COL15A1: variants seen among roughly 807,000 people sequenced by gnomAD.
COL15A1 encodes collagen alpha-1(XV) chain.
COL15A1 carries 111 observed loss-of-function variants against 165.9 expected under a neutral mutation model. The ratio of observed to expected loss-of-function variants is 0.67; its 90% CI spans 0.57 to 0.78. The LOEUF (loss-of-function observed/expected upper bound fraction) is 0.78, where lower values mean the gene tolerates loss of function less well. Ranked by LOEUF, COL15A1 falls within the 30% of genes least tolerant of loss-of-function variation. COL15A1 has a pLI of 0.00. For missense variants in COL15A1, 1,745 were observed against 1,789.7 expected, an observed-to-expected ratio of 0.98 and a Z score of 0.45; for synonymous variants, 659 against 674.8, an observed-to-expected ratio of 0.98 and a Z score of 0.36.
chr9:98,997,063 C>G lies in COL15A1; in HGVS notation c.934C>G (p.His312Asp), dbSNP rs1353562835. 1 of 1,614,206 alleles carries G rather than the reference C, an allele frequency of 6.2e-7. No individual in the cohort carries two copies. The highest frequency in any genetic ancestry group is 2.2e-5 in the East Asian group (1 of 44,880). ...AACCACCAACATGAGCATCATCCAG[C>G]ACAGCAGCCCCAAACAAGGCAAGTC... ...LETTNMSIIQ[H>D]SSPKQGSGEI... The change falls in exon 6 of 42, where the codon CAC (histidine) becomes GAC (aspartate). Residue 312 changes from histidine (H) to aspartate (D), a missense_variant. Transcript: ENST00000375001.
At chr9:99,032,148 C>T (rs1329345724) in intron 16 of COL15A1, among the ~76,000 whole-genome samples, 1 of 151,486 alleles carries the variant, frequency 6.6e-6, no homozygotes, top group Non-Finnish European at 1.5e-5. Context: ...TTAAAAATTC[C>T]TCTGCATTGT....
chr9:98,963,294 A>C (rs191327412), intron 2 of COL15A1, among the ~76,000 whole-genome samples: 2 of 151,904 alleles, frequency 1.3e-5, no homozygotes, highest in African/African-American at 2.4e-5. Context: ...CAAACACCTT[A>C]CTCCCATCAG....
chr9:98,970,580 C>G (rs1470223010), intron 2 of COL15A1, among the ~76,000 whole-genome samples: 13 of 152,308 alleles, frequency 8.5e-5, no homozygotes, highest in Admixed American at 2.6e-4. Flanking sequence ...TGTGGAAGGG[C>G]TTTCAATGAT....
intron 26 of COL15A1, among the ~76,000 whole-genome samples, chr9:99,047,420 C>T (rs1344533463): frequency 6.6e-6 from 1 of 152,196 alleles, no homozygotes; most frequent in East Asian, 1.9e-4. Flanking sequence ...GGACATAAGA[C>T]CTAGGGCAGA....
intron 2 of COL15A1, among the ~76,000 whole-genome samples, chr9:98,974,813 C>T (rs904653765): frequency 2.0e-5 from 3 of 152,200 alleles, no homozygotes; most frequent in Non-Finnish European, 2.9e-5. Flanking sequence ...TGAAGTGTGC[C>T]GTCGGTCTTT....
chr9:99,025,095 G>T (rs187544383), intron 15 of COL15A1, 96 bp downstream of exon 15: 15 of 1,012,322 alleles, frequency 1.5e-5, no homozygotes, highest in Admixed American at 7.4e-5. Flanking sequence ...ACTGTCCAAG[G>T]TTCGCGATGG....
At chr9:98,952,568 C>CT (rs1300799190) in intron 2 of COL15A1, among the ~76,000 whole-genome samples, 6 of 151,880 alleles carry the variant, frequency 4.0e-5, no homozygotes, top group Non-Finnish European at 7.4e-5. Flanking sequence ...TATAATCTCT[C>CT]TTTTTTTTAA....
At chr9:98,963,196 T>G (rs1462727384) in intron 2 of COL15A1, among the ~76,000 whole-genome samples, 3 of 152,208 alleles carry the variant, frequency 2.0e-5, no homozygotes, top group African/African-American at 7.2e-5. Flanking sequence ...GTAGGCTCCT[T>G]GTGTGAGAAG....
At chr9:99,003,772 A>G (rs1045219080) in intron 8 of COL15A1, among the ~76,000 whole-genome samples, 185 bp downstream of exon 8, 3 of 152,220 alleles carry the variant, frequency 2.0e-5, no homozygotes, top group East Asian at 1.9e-4. Flanking sequence ...AGAGCCCTAC[A>G]CTGTGCTGGG....
At position 98,997,032 on chromosome 9, in the gene COL15A1, C is replaced by T. The variant is rs547723842; in HGVS notation, c.903C>T (p.Thr301=). ...CTGGTGAACCTGTACCCGAGGGGAC[C>T]CTGGAAACCACCAACATGAGCATCA... is the stretch of plus-strand genomic sequence containing the variant. The part of the protein sequence containing the change: ...ELSGEPVPEG[T]LETTNMSIIQ... Residue 301 remains threonine (T), a synonymous_variant, in exon 6 of 42, where the codon ACC becomes ACT. Transcript: ENST00000375001. 2.7e-5 allele frequency: 44 copies of T among 1,614,176 alleles called. No individual in the cohort carries two copies. The South Asian group carries it at 3.4e-4, about 12-fold the overall frequency.
intron 28 of COL15A1, among the ~76,000 whole-genome samples, chr9:99,048,410 T>C (rs1839529683): frequency 6.6e-6 from 1 of 152,068 alleles, no homozygotes; most frequent in African/African-American, 2.4e-5. Flanking sequence ...GCTACTTAGG[T>C]GGGGCCTCCC....
chr9:98,988,320 C>T (rs1280861333), intron 4 of COL15A1, among the ~76,000 whole-genome samples: 2 of 152,130 alleles, frequency 1.3e-5, no homozygotes, highest in Admixed American at 6.6e-5. Context: ...AGTGTAGTCA[C>T]GCGTTAGTCT....
intron 12 of COL15A1, among the ~76,000 whole-genome samples, chr9:99,020,871 G>A (rs959979493): frequency 6.6e-6 from 1 of 152,180 alleles, no homozygotes; most frequent in Admixed American, 6.5e-5. Context: ...TTGTAGCTGT[G>A]GGATCTCCCG....
chr9:99,004,901 C>A lies in COL15A1; in HGVS notation c.1204C>A (p.Pro402Thr), dbSNP rs761174334. The change falls in exon 9 of 42, where the codon CCA (proline) becomes ACA (threonine). Residue 402 changes from proline (P) to threonine (T), a missense_variant. Physicochemically the swap from Pro to Thr is conservative, Grantham distance 38. Transcript: ENST00000375001. ...TTCCTGTTGACTTTCTATTCAGGGT[C>A]CAGATAATGAAGAGCGTTTAGCAGC... ...ENPEEGVTPG[P>T]DNEERLAATA... The A allele has an allele frequency of 4.7e-5, 76 of 1,613,852 alleles. No homozygotes were observed. The highest frequency in any genetic ancestry group is 6.4e-5 in the Non-Finnish European group (76 of 1,179,946).
intron 2 of COL15A1, among the ~76,000 whole-genome samples, chr9:98,955,924 G>T (rs373248790): frequency 4.2e-4 from 64 of 152,378 alleles, no homozygotes; most frequent in African/African-American, 1.4e-3. Flanking sequence ...CATGGTCACA[G>T]TTCAAGTTGG....
intron 35 of COL15A1, 140 bp from the exon 36 acceptor site, chr9:99,059,749 C>A: frequency 1.2e-6 from 1 of 858,626 alleles, no homozygotes; most frequent in Non-Finnish European, 1.8e-6. Flanking sequence ...GGCACAGCAC[C>A]CAAGATACAG....
At chr9:99,067,156 G>A (rs955884799) in intron 40 of COL15A1, 89 bp downstream of exon 40, 1 of 1,137,072 alleles carries the variant, frequency 8.8e-7, no homozygotes, top group Non-Finnish European at 1.3e-6. Flanking sequence ...ATCAACAGAA[G>A]ACTGTTGACT....
rs1245591662 is a variant in COL15A1 at position 99,038,751 on chromosome 9, C to T, written c.2475+18C>T. On this transcript the variant is annotated intron_variant, in intron 22 of 41. Coordinates refer to ENST00000375001, the MANE Select transcript of COL15A1 (RefSeq NM_001855.5). ...GGCCTCCGGTTGGTATCTACAGCTG[C>T]CCCAGAATGTGGCTTTTACCCAGAC... is the stretch of plus-strand genomic sequence containing the variant. 1 of 1,552,466 alleles carries T rather than the reference C, an allele frequency of 6.4e-7. No homozygotes were observed. The highest frequency in any genetic ancestry group is 8.9e-7 in the Non-Finnish European group (1 of 1,124,406).
At chr9:98,963,715 G>A (rs1220103986) in intron 2 of COL15A1, among the ~76,000 whole-genome samples, 1 of 151,852 alleles carries the variant, frequency 6.6e-6, no homozygotes, top group Non-Finnish European at 1.5e-5. Flanking sequence ...GGATGGTGGT[G>A]GTGGGTGATG....
Sources: allele counts gnomAD v4.1 joint callset (sites outside exome capture counted in the v4.1 genomes callset), GRCh38; gene constraint gnomAD v4.1.1; transcripts MANE v1.5; gene names NCBI Gene and HGNC (gene_info 2026-07-23, HGNC 2026-07-21).